The following LRRC37A3 variants were observed in gnomAD, a reference collection of about 807,000 sequenced individuals.
LRRC37A3 encodes the protein leucine rich repeat containing 37 member A3.
Under a neutral mutation model 106.2 loss-of-function variants are expected in LRRC37A3, and 25 were observed. The ratio of observed to expected loss-of-function variants is 0.24; its 90% CI spans 0.17 to 0.33. LRRC37A3 has a LOEUF of 0.33. Ranked by LOEUF, LRRC37A3 falls within the 10% of genes least tolerant of loss-of-function variation. The probability of loss-of-function intolerance (pLI) is 1.00; values close to 1 mark genes in which losing one functional copy is unlikely to be tolerated. For synonymous variants in LRRC37A3, 305 were observed against 635.8 expected, an observed-to-expected ratio of 0.48 and a Z score of 7.83; for missense variants, 712 against 1,644.9, an observed-to-expected ratio of 0.43 and a Z score of 9.81.
chr17:64,869,199 A>C (rs1418353574), intron 8 of LRRC37A3, 33 bp from the exon 9 acceptor site: 2 of 1,608,120 alleles, frequency 1.2e-6, no homozygotes, highest in Non-Finnish European at 1.7e-6. Flanking sequence ...AATAACCTGC[A>C]TTTTCAATGT....
At chr17:64,915,358 C>A (rs185083407) in intron 2 of LRRC37A3, among the ~76,000 whole-genome samples, 6 of 151,800 alleles carry the variant, frequency 4.0e-5, no homozygotes. Context: ...AATCAGCAAA[C>A]CATGGCCAAT....
At chr17:64,877,729 G>A (rs976152141) in intron 8 of LRRC37A3, among the ~76,000 whole-genome samples, 14 of 152,130 alleles carry the variant, frequency 9.2e-5, no homozygotes, top group African/African-American at 3.4e-4. Context: ...AACAAAGTGG[G>A]AAGACACAAA....
At chr17:64,861,291 C>A (rs1972860533) in intron 11 of LRRC37A3, among the ~76,000 whole-genome samples, 1 of 152,212 alleles carries the variant, frequency 6.6e-6, no homozygotes, top group Non-Finnish European at 1.5e-5. Context: ...AAGACAAGTG[C>A]TTCCCTGATG....
chr17:64,874,366 C>A (rs1598407484), intron 8 of LRRC37A3, among the ~76,000 whole-genome samples: 1 of 150,592 alleles, frequency 6.6e-6, no homozygotes, highest in South Asian at 2.1e-4. Context: ...AGCCCCTACG[C>A]CCGGCAGCCG....
In LRRC37A3 at chr17:64,879,663, G is replaced by A. The variant is rs549941227; in HGVS notation, c.2906+6423C>T. Among the ~76,000 whole-genome samples, 8 of 152,166 alleles carry A rather than the reference G, an allele frequency of 5.3e-5. No individual in the cohort carries two copies. The South Asian group carries it at 6.2e-4, about 12-fold the overall frequency. ...CAAACTAGGGCTTTAAATATCCTTCGTGATTTTTTTTGGCATGAAAACTTG... is the reference window on the plus strand; with the variant it reads ...CAAACTAGGGCTTTAAATATCCTTCATGATTTTTTTTGGCATGAAAACTTG... On this transcript the variant is annotated intron_variant, in intron 8 of 14. Coordinates refer to ENST00000584306, the MANE Select transcript of LRRC37A3 (RefSeq NM_199340.5).
At chr17:64,864,337 A>T (rs1248167822) in intron 10 of LRRC37A3, among the ~76,000 whole-genome samples, 3 of 152,248 alleles carry the variant, frequency 2.0e-5, no homozygotes, top group Non-Finnish European at 2.9e-5. Flanking sequence ...ACTCTTAAAA[A>T]ATGCCAATGT....
chr17:64,883,449 G>A (rs1009747774), intron 8 of LRRC37A3, among the ~76,000 whole-genome samples: 2 of 151,182 alleles, frequency 1.3e-5, no homozygotes, highest in African/African-American at 4.9e-5. Context: ...GCCTTATCTA[G>A]TAAAAACATT....
At chr17:64,913,453 G>C (rs200767333) in intron 2 of LRRC37A3, among the ~76,000 whole-genome samples, 56 of 133,864 alleles carry the variant, frequency 4.2e-4, no homozygotes, top group South Asian at 2.6e-3. Context: ...TGATTATCTT[G>C]CCTCAACCTT....
At position 64,862,972 on chromosome 17, in the gene LRRC37A3, T is replaced by C. The variant is rs780378604; in HGVS notation, c.3100A>G (p.Ser1034Gly). The stretch of plus-strand genomic sequence containing the variant: ...ACTGTCTTGCAGACAGCCTCAATGC[T>C]GTTTTTAAATTGGCAGAGGCAGCAG... ...MACCLCQFKN[S>G]IEAVCKTVKL... The change falls in exon 11 of 15, where the codon AGC becomes GGC. Residue 1034 changes from serine to glycine, a missense_variant. Physicochemically the swap from Ser to Gly is moderately conservative, Grantham distance 56 (BLOSUM62 0). Coordinates refer to ENST00000584306, the MANE Select transcript of LRRC37A3 (RefSeq NM_199340.5). 1.9e-6 allele frequency: 3 copies of C among 1,598,346 alleles called. No homozygotes were observed. In the East Asian group the frequency reaches 6.7e-5, roughly 36 times the overall value.
At chr17:64,919,043 G>C (rs1053423891) in intron 1 of LRRC37A3, among the ~76,000 whole-genome samples, 173 bp from the exon 2 acceptor site, 2 of 151,856 alleles carry the variant, frequency 1.3e-5, no homozygotes, top group Non-Finnish European at 2.9e-5. Flanking sequence ...GGCTTTCTCC[G>C]GCTACTGCTG....
chr17:64,854,586 C>G lies in LRRC37A3; in HGVS notation c.*13G>C, dbSNP rs1972611655. On this transcript the variant is annotated 3_prime_UTR_variant, in exon 15 of 15. Coordinates refer to ENST00000584306, the MANE Select transcript of LRRC37A3 (RefSeq NM_199340.5). ...ATTTTTGCAGGAGGCCTGAGGTGGG[C>G]TGGGTTCTCCTCCTATGGCAGGGCT... 6.2e-7 allele frequency: 1 copy of G among 1,613,792 alleles called. No individual in the cohort carries two copies.
chr17:64,858,959 T>C, intron 12 of LRRC37A3, 76 bp from the exon 13 acceptor site: 1 of 1,022,900 alleles, frequency 9.8e-7, no homozygotes, highest in Non-Finnish European at 1.5e-6. Context: ...TACAGGTTCT[T>C]TTTTATTTTT....
intron 11 of LRRC37A3, among the ~76,000 whole-genome samples, chr17:64,862,605 G>T (rs1317961295): frequency 6.6e-6 from 1 of 151,998 alleles, no homozygotes; most frequent in African/African-American, 2.4e-5. Context: ...AAAGCATCAA[G>T]CAGAGAGCAC....
intron 8 of LRRC37A3, among the ~76,000 whole-genome samples, chr17:64,876,561 A>T (rs576284247): frequency 2.6e-5 from 4 of 152,366 alleles, no homozygotes; most frequent in Admixed American, 6.5e-5. Flanking sequence ...AAAAAGGATT[A>T]TAATATGAAT....
chr17:64,880,904 C>T (rs1003700404), intron 8 of LRRC37A3, among the ~76,000 whole-genome samples: 1 of 151,930 alleles, frequency 6.6e-6, no homozygotes, highest in African/African-American at 2.4e-5. Flanking sequence ...ATTCTAACAG[C>T]TCTAGCTGAA....
Position 64,874,520 on chromosome 17 carries a change from G to A in LRRC37A3, c.2907-5354C>T, listed in dbSNP as rs560505058. Among the ~76,000 whole-genome samples, 351 of 147,868 alleles carry A rather than the reference G, an allele frequency of 2.4e-3. 2 individuals carry two copies. The highest frequency in any genetic ancestry group is 4.0e-3 in the Non-Finnish European group (266 of 67,160). On this transcript the variant is annotated intron_variant, in intron 8 of 14. Coordinates refer to ENST00000584306, the MANE Select transcript of LRRC37A3 (RefSeq NM_199340.5). ...GGCCAGCCGCCCCGTCCGGGAGGTGGGGGGTGCCTCTGCCCGGCTGCCCCT... is the reference window on the plus strand; with the variant it reads ...GGCCAGCCGCCCCGTCCGGGAGGTGAGGGGTGCCTCTGCCCGGCTGCCCCT...
At chr17:64,862,809 C>T (rs1256125121) in intron 11 of LRRC37A3, 91 bp downstream of exon 11, 1 of 1,330,468 alleles carries the variant, frequency 7.5e-7, no homozygotes, top group Admixed American at 1.7e-5. Flanking sequence ...GCAATTATGT[C>T]ATTAGCTTAA....
At chr17:64,863,041 A>G in intron 10 of LRRC37A3, 23 bp from the exon 11 acceptor site, 1 of 1,597,602 alleles carries the variant, frequency 6.3e-7, no homozygotes, top group Non-Finnish European at 8.5e-7. Flanking sequence ...ACAGAGAGCA[A>G]TAAATTAGCG....
At chr17:64,893,712 C>A (rs1397291130) in intron 4 of LRRC37A3, among the ~76,000 whole-genome samples, 1 of 135,394 alleles carries the variant, frequency 7.4e-6, no homozygotes, top group African/African-American at 3.3e-5. Flanking sequence ...TGCAGTGGTG[C>A]AATCTCGGCT....
Sources: gnomAD v4.1 joint callset for allele counts (sites outside exome capture counted in the v4.1 genomes callset) on GRCh38, gnomAD v4.1.1 for gene constraint, MANE v1.5 for transcripts, NCBI Gene and HGNC (gene_info 2026-07-23, HGNC 2026-07-21) for gene names.